The following PTPRQ variants were observed in gnomAD, a reference collection of about 807,000 sequenced individuals.
PTPRQ encodes the protein protein tyrosine phosphatase receptor type Q.
PTPRQ carries 199 observed loss-of-function variants against 246.0 expected under a neutral mutation model. The observed-to-expected ratio is 0.81, with a 90% CI of 0.72 to 0.91. The LOEUF (loss-of-function observed/expected upper bound fraction) is 0.91. PTPRQ is among the 40% of genes least tolerant of loss of function. The pLI is 0.00. For missense variants in PTPRQ, 2,624 were observed against 2,528.4 expected, an observed-to-expected ratio of 1.04 and a Z score of -0.81; for synonymous variants, 869 against 853.2, an observed-to-expected ratio of 1.02 and a Z score of -0.32.
At chr12:80,656,735 T>C (rs1900451054) in intron 38 of PTPRQ, among the ~76,000 whole-genome samples, 1 of 151,750 alleles carries the variant, frequency 6.6e-6, no homozygotes, top group Non-Finnish European at 1.5e-5. Flanking sequence ...GAATGAATGG[T>C]CTAGAAATAG....
intron 17 of PTPRQ, among the ~76,000 whole-genome samples, chr12:80,524,024 C>A (rs963313292): frequency 6.6e-6 from 1 of 152,124 alleles, no homozygotes; most frequent in African/African-American, 2.4e-5. Flanking sequence ...TCTCGAAGGA[C>A]TTGGTTTATG....
At chr12:80,545,797 T>G (rs1031063858) in intron 23 of PTPRQ, among the ~76,000 whole-genome samples, 1 of 149,176 alleles carries the variant, frequency 6.7e-6, no homozygotes, top group Non-Finnish European at 1.5e-5. Flanking sequence ...TTATTATTAT[T>G]TATTACTGTT....
chr12:80,653,404 A>G (rs1342982075), intron 38 of PTPRQ, among the ~76,000 whole-genome samples: 1 of 152,230 alleles, frequency 6.6e-6, no homozygotes, highest in Non-Finnish European at 1.5e-5. Context: ...TGAAAGGAAA[A>G]TAGGACATTT....
intron 29 of PTPRQ, 62 bp downstream of exon 29, chr12:80,613,898 T>G: frequency 7.0e-7 from 1 of 1,421,966 alleles, no homozygotes; most frequent in South Asian, 1.7e-5. Context: ...AACTTGGCAT[T>G]TAAAAATATT....
intron 7 of PTPRQ, among the ~76,000 whole-genome samples, chr12:80,470,050 T>C (rs1565726973): frequency 6.6e-6 from 1 of 151,940 alleles, no homozygotes; most frequent in South Asian, 2.1e-4. Flanking sequence ...GAATAGAGAG[T>C]AAGGGTAGGG....
At chr12:80,490,695 A>G (rs1023942362) in intron 9 of PTPRQ, among the ~76,000 whole-genome samples, 7 of 152,050 alleles carry the variant, frequency 4.6e-5, no homozygotes, top group Middle Eastern at 3.4e-3. Context: ...CTAATTCAGA[A>G]TGTCAGTAGT....
At chr12:80,508,139 T>C (rs1294343864) in intron 16 of PTPRQ, among the ~76,000 whole-genome samples, 1 of 151,934 alleles carries the variant, frequency 6.6e-6, no homozygotes, top group African/African-American at 2.4e-5. Flanking sequence ...AAGGTAAAGT[T>C]CCATCTAAAT....
intron 34 of PTPRQ, 38 bp downstream of exon 34, chr12:80,632,329 T>C (rs1340657717): frequency 1.1e-5 from 17 of 1,550,640 alleles, no homozygotes; most frequent in Non-Finnish European, 1.5e-5. Flanking sequence ...GGATGCTTTA[T>C]GGGCATTATA....
chr12:80,647,026 A>T (rs1356106333), intron 35 of PTPRQ, among the ~76,000 whole-genome samples: 1 of 152,182 alleles, frequency 6.6e-6, no homozygotes, highest in Non-Finnish European at 1.5e-5. Context: ...ACAAATGTAT[A>T]CTGATGCTTC....
intron 9 of PTPRQ, among the ~76,000 whole-genome samples, chr12:80,490,853 C>T (rs1266228977): frequency 6.6e-6 from 1 of 151,978 alleles, no homozygotes; most frequent in East Asian, 1.9e-4. Context: ...TCTTTCCCAA[C>T]ATTTTTGCTT....
At chr12:80,650,169 T>G (rs1900210705) in intron 37 of PTPRQ, among the ~76,000 whole-genome samples, 1 of 151,984 alleles carries the variant, frequency 6.6e-6, no homozygotes, top group East Asian at 1.9e-4. Flanking sequence ...TTTCTAGAAC[T>G]GTCTAAAAAT....
chr12:80,514,155 C>G (rs1022772400), intron 17 of PTPRQ, among the ~76,000 whole-genome samples: 30 of 152,056 alleles, frequency 2.0e-4, no homozygotes, highest in Non-Finnish European at 3.5e-4. Flanking sequence ...TTCTCTCACT[C>G]TTTTTTCGTA....
At chr12:80,642,895 G>A (rs894033033) in intron 35 of PTPRQ, among the ~76,000 whole-genome samples, 4 of 136,284 alleles carry the variant, frequency 2.9e-5, no homozygotes, top group Non-Finnish European at 6.1e-5. Context: ...ACTCCAGCCT[G>A]GGCGACAGAG....
chr12:80,567,214 A>G (rs1015426023), intron 25 of PTPRQ, among the ~76,000 whole-genome samples: 2 of 152,230 alleles, frequency 1.3e-5, no homozygotes, highest in African/African-American at 4.8e-5. Flanking sequence ...TTTTTCTATT[A>G]AAAATCTACA....
chr12:80,610,134 A>C lies in PTPRQ; in HGVS notation c.4732-305A>C, dbSNP rs1319267189. On this transcript the variant is annotated intron_variant, in intron 27 of 44. Coordinates refer to ENST00000644991, the MANE Select transcript of PTPRQ (RefSeq NM_001145026.2). ...CCAAAACCTCTATGCTTTCTTCTACAAAATATTGGAGTCAAAAGTAGAGTT... is the reference window on the plus strand; with the variant it reads ...CCAAAACCTCTATGCTTTCTTCTACCAAATATTGGAGTCAAAAGTAGAGTT... 3.3e-5 allele frequency among the ~76,000 whole-genome samples: 5 copies of C among 150,746 alleles called. No individual in the cohort carries two copies. The East Asian group carries it at 9.8e-4, about 29-fold the overall frequency.
chr12:80,529,195 A>G (rs1895775855), intron 17 of PTPRQ, among the ~76,000 whole-genome samples: 1 of 152,192 alleles, frequency 6.6e-6, no homozygotes, highest in Non-Finnish European at 1.5e-5. Flanking sequence ...TAATGGGAAA[A>G]TTAATGAACA....
At chr12:80,453,241 A>T (rs926864333) in intron 3 of PTPRQ, among the ~76,000 whole-genome samples, 9 of 151,962 alleles carry the variant, frequency 5.9e-5, no homozygotes, top group African/African-American at 2.2e-4. Context: ...ACTTCTCTAT[A>T]TTCGTTATTC....
At chr12:80,647,783 T>C (rs1490795809) in intron 35 of PTPRQ, among the ~76,000 whole-genome samples, 2 of 152,112 alleles carry the variant, frequency 1.3e-5, no homozygotes, top group East Asian at 3.9e-4. Flanking sequence ...AGACTCTTTG[T>C]TAGTCACTGC....
rs1018196233 is a variant in PTPRQ at position 80,468,817 on chromosome 12, G to A, written c.1018G>A (p.Val340Ile). The change falls in exon 7 of 45, where the codon GTT (valine) becomes ATT (isoleucine). Residue 340 changes from valine to isoleucine, a missense_variant. By Grantham distance (29) the Val-to-Ile change is conservative (BLOSUM62 3). Coordinates refer to ENST00000644991, the MANE Select transcript of PTPRQ (RefSeq NM_001145026.2). The part of the protein sequence containing the change: ...TIVTGKFSYR[V>I]ELYGPSGRIL... ...AGTAACAGGGAAATTTAGTTATAGA[G>A]TTGAATTATATGGACCATCAGGTAA... 1.3e-6 allele frequency: 2 copies of A among 1,549,524 alleles called. No homozygotes were observed. Among genetic ancestry groups the A allele is most frequent in the Non-Finnish European group, 1.7e-6 (2 of 1,146,026 alleles).
Sources: allele counts gnomAD v4.1 joint callset (sites outside exome capture counted in the v4.1 genomes callset), GRCh38; gene constraint gnomAD v4.1.1; transcripts MANE v1.5; gene names NCBI Gene and HGNC (gene_info 2026-07-23, HGNC 2026-07-21).